EYS: variants seen among roughly 807,000 people sequenced by gnomAD.
EYS encodes the protein protein eyes shut homolog.
In EYS, 250 loss-of-function variants were observed where a neutral mutation model predicts 282.1. The ratio of observed to expected loss-of-function variants is 0.89; its 90% confidence interval spans 0.80 to 0.98. The LOEUF (loss-of-function observed/expected upper bound fraction) is 0.98. EYS is among the 50% of genes least tolerant of loss of function. The pLI is 0.00. For missense variants in EYS, 4,016 were observed against 3,709.0 expected, an observed-to-expected ratio of 1.08 and a Z score of -2.15; for synonymous variants, 1,355 against 1,282.9, an observed-to-expected ratio of 1.06 and a Z score of -1.20.
At chr6:64,111,079 CA>C (rs1773188137) in intron 31 of EYS, among the ~76,000 whole-genome samples, 1 of 151,892 alleles carries the variant, frequency 6.6e-6, no homozygotes, top group East Asian at 1.9e-4. Context: ...CCTAGTAGAA[CA>C]AAAGAAGTTG....
intron 29 of EYS, among the ~76,000 whole-genome samples, chr6:64,373,165 G>A (rs1420792727): frequency 6.6e-6 from 1 of 152,006 alleles, no homozygotes; most frequent in East Asian, 1.9e-4. Flanking sequence ...GAGTTATTGT[G>A]CTGTTTTTTC....
chr6:64,665,411 G>A (rs1769193871), intron 22 of EYS, among the ~76,000 whole-genome samples: 1 of 152,062 alleles, frequency 6.6e-6, no homozygotes, highest in South Asian at 2.1e-4. Flanking sequence ...AGCCTTGCTT[G>A]GCTCATAGAC....
chr6:64,217,125 AAAGT>A, intron 31 of EYS, among the ~76,000 whole-genome samples: 1 of 152,356 alleles, frequency 6.6e-6, no homozygotes, highest in Admixed American at 6.5e-5. Flanking sequence ...TTATGATTAA[AAAGT>A]AAGAGACTAA....
chr6:64,060,315 T>C (rs1361950667), intron 33 of EYS, among the ~76,000 whole-genome samples: 1 of 152,164 alleles, frequency 6.6e-6, no homozygotes, highest in Non-Finnish European at 1.5e-5. Context: ...AATTGAATGG[T>C]CTCTTGCTCA....
At chr6:64,060,900 A>T (rs1426807067) in intron 33 of EYS, among the ~76,000 whole-genome samples, 3 of 152,166 alleles carry the variant, frequency 2.0e-5, no homozygotes, top group Admixed American at 6.5e-5. Flanking sequence ...CTCTGTCCAG[A>T]TGATCTTAAA....
chr6:63,985,207 C>T (rs1767299151), intron 34 of EYS, among the ~76,000 whole-genome samples: 1 of 151,432 alleles, frequency 6.6e-6, no homozygotes, highest in African/African-American at 2.4e-5. Flanking sequence ...GGATACAGAC[C>T]GACTGGCACA....
At chr6:64,865,099 T>G (rs1766386201) in intron 19 of EYS, among the ~76,000 whole-genome samples, 1 of 152,128 alleles carries the variant, frequency 6.6e-6, no homozygotes, top group Non-Finnish European at 1.5e-5. Flanking sequence ...TTTTCTGTCT[T>G]AGGATATTGG....
chr6:64,850,849 A>G (rs750257900), intron 19 of EYS, among the ~76,000 whole-genome samples: 5 of 152,096 alleles, frequency 3.3e-5, no homozygotes, highest in Non-Finnish European at 7.4e-5. Context: ...GATAGACATG[A>G]TTTATTTTGA....
At chr6:63,926,267 A>G (rs1046882614) in intron 35 of EYS, among the ~76,000 whole-genome samples, 1 of 152,226 alleles carries the variant, frequency 6.6e-6, no homozygotes, top group Non-Finnish European at 1.5e-5. Flanking sequence ...TTACAGAATG[A>G]TAGAATCCCT....
intron 39 of EYS, among the ~76,000 whole-genome samples, chr6:63,778,448 A>G (rs974588186): frequency 3.3e-5 from 5 of 152,110 alleles, no homozygotes; most frequent in African/African-American, 9.7e-5. Context: ...TTTCTTTTAA[A>G]CAAAAATGCA....
intron 35 of EYS, among the ~76,000 whole-genome samples, chr6:63,874,671 T>G (rs1040728311): frequency 1.3e-5 from 2 of 152,210 alleles, no homozygotes; most frequent in African/African-American, 4.8e-5. Context: ...TAGTTCTCCT[T>G]GAAGAGGTCC....
chr6:65,398,758 A>G (rs926520310), intron 7 of EYS, among the ~76,000 whole-genome samples: 8 of 152,078 alleles, frequency 5.3e-5, no homozygotes, highest in Non-Finnish European at 1.0e-4. Context: ...ATCTACTTCA[A>G]TATCTCTACT....
At chr6:64,764,692 A>T (rs985795429) in intron 22 of EYS, among the ~76,000 whole-genome samples, 1 of 152,200 alleles carries the variant, frequency 6.6e-6, no homozygotes, top group Non-Finnish European at 1.5e-5. Flanking sequence ...CTCCATTGTC[A>T]GGCTGCACAT....
intron 12 of EYS, among the ~76,000 whole-genome samples, chr6:65,289,554 T>C (rs1378771476): frequency 6.6e-6 from 1 of 151,120 alleles, no homozygotes; most frequent in Non-Finnish European, 1.5e-5. Flanking sequence ...CAGCCTGATA[T>C]ATATACCACA....
chr6:65,584,186 C>T (rs902422620), intron 2 of EYS, among the ~76,000 whole-genome samples: 4 of 151,942 alleles, frequency 2.6e-5, no homozygotes, highest in South Asian at 2.1e-4. Flanking sequence ...AGTCTTATTA[C>T]CTGGAAAATA....
chr6:64,013,083 C>A (rs995397787), intron 33 of EYS, among the ~76,000 whole-genome samples: 7 of 152,144 alleles, frequency 4.6e-5, no homozygotes, highest in African/African-American at 1.7e-4. Flanking sequence ...CAGAGAAAAC[C>A]AAGCCATTTT....
At chr6:63,808,234 G>A (rs770372244) in intron 36 of EYS, among the ~76,000 whole-genome samples, 2 of 152,164 alleles carry the variant, frequency 1.3e-5, no homozygotes, top group Non-Finnish European at 2.9e-5. Context: ...GAAACAGCAT[G>A]TTCTAGGGTG....
At chr6:63,856,306 C>G (rs1038705555) in intron 36 of EYS, among the ~76,000 whole-genome samples, 7 of 152,156 alleles carry the variant, frequency 4.6e-5, no homozygotes, top group Non-Finnish European at 8.8e-5. Flanking sequence ...TCAGGAGAGA[C>G]CACTCTGCCT....
chr6:65,080,232 TCA>T (rs1387609767), intron 12 of EYS, among the ~76,000 whole-genome samples: 1 of 152,030 alleles, frequency 6.6e-6, no homozygotes, highest in African/African-American at 2.4e-5. Context: ...CAAGTTGTCC[TCA>T]GAGTAGTATT....
Sources: gnomAD v4.1 joint callset for allele counts (sites outside exome capture counted in the v4.1 genomes callset) on GRCh38, gnomAD v4.1.1 for gene constraint, MANE v1.5 for transcripts, NCBI Gene and HGNC (gene_info 2026-07-23, HGNC 2026-07-21) for gene names.